The following PAFAH1B1 variants were observed in gnomAD, a reference collection of about 807,000 sequenced individuals.
PAFAH1B1 encodes the protein platelet-activating factor acetylhydrolase IB subunit beta.
In PAFAH1B1, 2 loss-of-function variants were observed where a neutral mutation model predicts 57.5. The observed-to-expected ratio is 0.03, with a 90% CI of 0.01 to 0.11. PAFAH1B1 has a LOEUF of 0.11. Ranked by LOEUF, PAFAH1B1 falls within the 10% of genes least tolerant of loss-of-function variation. The pLI, the probability that PAFAH1B1 is intolerant of heterozygous loss-of-function variation, is 1.00. For missense variants in PAFAH1B1, 257 were observed against 512.0 expected, an observed-to-expected ratio of 0.50 and a Z score of 4.81; for synonymous variants, 152 against 169.6, an observed-to-expected ratio of 0.90 and a Z score of 0.81.
chr17:2,670,410 A>G (rs1175368230), intron 6 of PAFAH1B1, 79 bp downstream of exon 6: 2 of 1,306,930 alleles, frequency 1.5e-6, no homozygotes, highest in East Asian at 2.3e-5. Flanking sequence ...AACAGTGTAC[A>G]GTGTTCCTTT....
chr17:2,661,524 TCTGTTTTGGTACCAGTAGCATG>T (rs1011708548), intron 2 of PAFAH1B1, among the ~76,000 whole-genome samples: 3 of 152,312 alleles, frequency 2.0e-5, no homozygotes, highest in African/African-American at 7.2e-5. Flanking sequence ...GGTCTGTGTG[TCTGTTTTGGTACCAGTAGCATG>T]CTGTTTTGGT....
intron 1 of PAFAH1B1, among the ~76,000 whole-genome samples, chr17:2,605,858 GTTA>G (rs769177883): frequency 2.0e-5 from 3 of 152,180 alleles, no homozygotes; most frequent in Non-Finnish European, 4.4e-5. Context: ...AATAAATATT[GTTA>G]TTATGGTGAT....
At chr17:2,646,238 AAT>A (rs1404322331) in intron 2 of PAFAH1B1, among the ~76,000 whole-genome samples, 1 of 152,180 alleles carries the variant, frequency 6.6e-6, no homozygotes, top group Non-Finnish European at 1.5e-5. Context: ...AGACCAGTAA[AAT>A]AGACAGTTTT....
At chr17:2,660,833 T>C (rs755344618) in intron 2 of PAFAH1B1, among the ~76,000 whole-genome samples, 2 of 152,214 alleles carry the variant, frequency 1.3e-5, no homozygotes, top group Non-Finnish European at 2.9e-5. Flanking sequence ...CCACACTATC[T>C]TCCATGATGG....
At position 2,684,318 on chromosome 17, in the gene PAFAH1B1, GTTCTCTGTT is replaced by G. The variant is rs1434085773; in HGVS notation, c.*2525_*2533del. 6.5e-6 allele frequency: 1 copy of G among 152,764 alleles called. No individual in the cohort carries two copies. Among genetic ancestry groups the G allele is most frequent in the African/African-American group, 2.4e-5 (1 of 41,452 alleles). 9.5% of individuals were successfully genotyped at this position (152,764 alleles called of 1,614,324 possible). A position where few individuals can be genotyped will look rare whatever the true frequency, so the allele number is the denominator to read the frequency against. On this transcript the variant is annotated 3_prime_UTR_variant, in exon 11 of 11. Coordinates refer to ENST00000397195, the MANE Select transcript of PAFAH1B1 (RefSeq NM_000430.4). Reference sequence around the variant, plus strand: ...TCCTGTTGATGCCCTTTCTGACTGTGTTCTCTGTTTTCTCTGTCTGCTGTCTAACCCTGT... The same window carrying G: ...TCCTGTTGATGCCCTTTCTGACTGTGTTCTCTGTCTGCTGTCTAACCCTGT...
rs1013887774 is a variant in PAFAH1B1 at position 2,651,574 on chromosome 17, G to A, written c.32+13254G>A. ...CACTCCAACTTGGGTAACAGAGTGA[G>A]ACTCCATCTCAAAAAAAAAAAAAAG... On this transcript the variant is annotated intron_variant, in intron 2 of 10. Coordinates refer to ENST00000397195, the MANE Select transcript of PAFAH1B1 (RefSeq NM_000430.4). Among the ~76,000 whole-genome samples, 195 of 148,722 alleles carry A rather than the reference G, an allele frequency of 1.3e-3. 2 individuals are homozygous for A. Among genetic ancestry groups the A allele is most frequent in the African/African-American group, 4.4e-3 (179 of 40,304 alleles).
chr17:2,635,470 C>A (rs566524151), intron 1 of PAFAH1B1: 1 of 152,082 alleles, frequency 6.6e-6, no homozygotes, highest in African/African-American at 2.4e-5. Flanking sequence ...CTCAAGCAAC[C>A]CTCCTGCCTC....
At chr17:2,610,429 G>A (rs924496756) in intron 1 of PAFAH1B1, among the ~76,000 whole-genome samples, 1 of 152,192 alleles carries the variant, frequency 6.6e-6, no homozygotes, top group Non-Finnish European at 1.5e-5. Flanking sequence ...ACCAGCAGGA[G>A]AGAAAAACTT....
intron 2 of PAFAH1B1, among the ~76,000 whole-genome samples, chr17:2,656,195 A>G (rs2068934404): frequency 6.6e-6 from 1 of 152,166 alleles, no homozygotes; most frequent in Non-Finnish European, 1.5e-5. Context: ...AAGTGCTGGG[A>G]TTACAGGCGT....
chr17:2,670,558 G>A (rs990288128), intron 6 of PAFAH1B1, among the ~76,000 whole-genome samples: 1 of 152,132 alleles, frequency 6.6e-6, no homozygotes, highest in African/African-American at 2.4e-5. Context: ...ATTTGTATGA[G>A]TATTTCTTGG....
chr17:2,614,048 G>A (rs536425222), intron 1 of PAFAH1B1: 5 of 74,804 alleles, frequency 6.7e-5, no homozygotes, highest in East Asian at 2.9e-4. Context: ...TTTTTGAGAC[G>A]TGGGTCTGGC....
rs2069405983 is a variant in PAFAH1B1 at position 2,682,884 on chromosome 17, C to T, written c.*1082C>T. The T allele has an allele frequency of 6.6e-6, 1 of 152,538 alleles. No individual in the cohort carries two copies. Among genetic ancestry groups the T allele is most frequent in the Admixed American group, 6.6e-5 (1 of 15,266 alleles). 9.4% of individuals were successfully genotyped at this position (152,538 alleles called of 1,614,324 possible). A position where few individuals can be genotyped will look rare whatever the true frequency, so the allele number is the denominator to read the frequency against. ...GTGCATAAAAATGTACTGTTTTCAC[C>T]TTTTGTTTATATGTAAATGTTTGTA... is the stretch of plus-strand genomic sequence containing the variant. On this transcript the variant is annotated 3_prime_UTR_variant, in exon 11 of 11. Transcript: ENST00000397195.
At chr17:2,600,580 A>C (rs981360595) in intron 1 of PAFAH1B1, among the ~76,000 whole-genome samples, 2 of 151,292 alleles carry the variant, frequency 1.3e-5, no homozygotes, top group East Asian at 1.9e-4. Context: ...AAAAAAAAAA[A>C]AAAAAACCAA....
In PAFAH1B1 at chr17:2,660,992, C is replaced by G. The variant is rs60605750; in HGVS notation, c.33-4380C>G. On this transcript the variant is annotated intron_variant, in intron 2 of 10. Transcript: ENST00000397195. Reference sequence around the variant, plus strand: ...CATTGTGGTTTTGATTTGCATTTCTCTAATGATCAGTGATGTTGAGCTTTT... The same window carrying G: ...CATTGTGGTTTTGATTTGCATTTCTGTAATGATCAGTGATGTTGAGCTTTT... 3.1e-3 allele frequency among the ~76,000 whole-genome samples: 470 copies of G among 152,252 alleles called. 2 individuals are homozygous for G. The highest frequency in any genetic ancestry group is 0.011 in the African/African-American group (439 of 41,546).
At chr17:2,658,138 C>A (rs907357441) in intron 2 of PAFAH1B1, among the ~76,000 whole-genome samples, 4 of 152,196 alleles carry the variant, frequency 2.6e-5, no homozygotes, top group African/African-American at 7.2e-5. Context: ...TGGCCTGTAG[C>A]AGGCCATGCA....
chr17:2,646,958 A>G (rs890353402), intron 2 of PAFAH1B1, among the ~76,000 whole-genome samples: 4 of 152,192 alleles, frequency 2.6e-5, no homozygotes, highest in Non-Finnish European at 4.4e-5. Flanking sequence ...GAGGCCAGGC[A>G]TGGTGGCTCA....
At chr17:2,612,243 G>A (rs1277041087) in intron 1 of PAFAH1B1, among the ~76,000 whole-genome samples, 2 of 142,216 alleles carry the variant, frequency 1.4e-5, no homozygotes, top group Admixed American at 7.3e-5. Flanking sequence ...GAGTCTCATC[G>A]CCCAGGCTGG....
At chr17:2,652,195 G>A (rs1326444677) in intron 2 of PAFAH1B1, among the ~76,000 whole-genome samples, 5 of 152,038 alleles carry the variant, frequency 3.3e-5, no homozygotes, top group Non-Finnish European at 5.9e-5. Context: ...CAAATCACGA[G>A]GTCAGGAGAT....
intron 2 of PAFAH1B1, among the ~76,000 whole-genome samples, chr17:2,656,017 G>C (rs1414540783): frequency 6.6e-6 from 1 of 151,988 alleles, no homozygotes; most frequent in Admixed American, 6.6e-5. Context: ...TCCGCCCCTG[G>C]GTTCAAGTGA....
Sources: allele counts gnomAD v4.1 joint callset (sites outside exome capture counted in the v4.1 genomes callset), GRCh38; gene constraint gnomAD v4.1.1; transcripts MANE v1.5; gene names NCBI Gene and HGNC (gene_info 2026-07-23, HGNC 2026-07-21).